Variants in SWT1 observed in about 807,000 individuals in gnomAD.
SWT1 encodes the protein transcriptional protein SWT1.
SWT1 carries 33 observed loss-of-function variants against 107.3 expected under a neutral mutation model. The ratio of observed to expected loss-of-function variants is 0.31; its 90% CI spans 0.23 to 0.41. SWT1 has a LOEUF of 0.41. Among genes scored for constraint, SWT1 ranks in the 10% least tolerant of loss-of-function variants. SWT1 has a pLI of 1.00. For synonymous variants in SWT1, 345 were observed against 348.3 expected (o/e 0.99, Z 0.11); for missense variants, 898 against 1,028.9 (o/e 0.87, Z 1.74).
intron 16 of SWT1, among the ~76,000 whole-genome samples, chr1:185,248,714 T>A (rs1488898545): frequency 6.8e-6 from 1 of 148,052 alleles, no homozygotes; most frequent in Non-Finnish European, 1.5e-5. Context: ...TTTAACTACA[T>A]GCAGTAGAAC....
At chr1:185,287,576 G>A (rs59035619) in intron 18 of SWT1, among the ~76,000 whole-genome samples, 1,844 of 152,274 alleles carry the variant, frequency 0.012, 66 homozygotes, top group East Asian at 0.087. Context: ...AGTGAACTGC[G>A]TCTTACAATA....
intron 15 of SWT1, among the ~76,000 whole-genome samples, chr1:185,231,057 T>C (rs1280550866): frequency 6.6e-6 from 1 of 152,200 alleles, no homozygotes; most frequent in East Asian, 1.9e-4. Flanking sequence ...CCTAGTTTGG[T>C]ATTTTATCAA....
intron 10 of SWT1, among the ~76,000 whole-genome samples, chr1:185,193,030 A>G (rs940210625): frequency 2.0e-5 from 3 of 152,160 alleles, no homozygotes; most frequent in Non-Finnish European, 4.4e-5. Flanking sequence ...TGGTACCGCT[A>G]TAACTGTCCT....
At chr1:185,204,599 T>G in intron 11 of SWT1, 101 bp from the exon 12 acceptor site, 1 of 490,244 alleles carries the variant, frequency 2.0e-6, no homozygotes, top group Non-Finnish European at 3.5e-6. Flanking sequence ...ATAATTAAAA[T>G]ATATACATAA....
At chr1:185,160,616 T>A (rs1213180655) in intron 1 of SWT1, among the ~76,000 whole-genome samples, 2 of 151,980 alleles carry the variant, frequency 1.3e-5, no homozygotes, top group African/African-American at 4.8e-5. Flanking sequence ...GCAGGAGAAT[T>A]GCTTGAACCC....
chr1:185,265,715 C>G (rs1257153984), intron 16 of SWT1, among the ~76,000 whole-genome samples: 1 of 152,138 alleles, frequency 6.6e-6, no homozygotes, highest in Admixed American at 6.5e-5. Context: ...CTATAGAGAT[C>G]AAAGGAGATA....
intron 7 of SWT1, among the ~76,000 whole-genome samples, chr1:185,182,657 CCTCT>C (rs1656113011): frequency 7.8e-6 from 1 of 128,460 alleles, no homozygotes; most frequent in Non-Finnish European, 1.6e-5. Context: ...AGAACAAGAC[CCTCT>C]CTCTCTCAAA....
At chr1:185,237,499 A>G (rs1660972527) in intron 16 of SWT1, among the ~76,000 whole-genome samples, 1 of 152,156 alleles carries the variant, frequency 6.6e-6, no homozygotes, top group Non-Finnish European at 1.5e-5. Context: ...GGAATTTAAC[A>G]GTGAGAATAC....
chr1:185,224,931 C>T (rs1558054332), intron 15 of SWT1, among the ~76,000 whole-genome samples: 1 of 152,152 alleles, frequency 6.6e-6, no homozygotes, highest in East Asian at 1.9e-4. Context: ...TTCCTTCTTT[C>T]CAATTTGGAT....
intron 16 of SWT1, chr1:185,263,747 C>G (rs1429256320): frequency 6.6e-6 from 1 of 152,130 alleles, no homozygotes; most frequent in Non-Finnish European, 1.5e-5. Flanking sequence ...CATAGATTGA[C>G]CCAAAGTCAC....
chr1:185,208,738 A>G (rs1214651073), intron 13 of SWT1, among the ~76,000 whole-genome samples: 1 of 139,372 alleles, frequency 7.2e-6, no homozygotes, highest in African/African-American at 2.8e-5. Context: ...TGTTCGATGA[A>G]TATCTTTTTT....
chr1:185,239,717 A>G (rs1219182045), intron 16 of SWT1, among the ~76,000 whole-genome samples: 1 of 151,888 alleles, frequency 6.6e-6, no homozygotes, highest in South Asian at 2.1e-4. Flanking sequence ...TTTTTTTCAG[A>G]TAGACAAAAG....
chr1:185,257,524 G>A (rs1463712059), intron 16 of SWT1, among the ~76,000 whole-genome samples: 1 of 152,218 alleles, frequency 6.6e-6, no homozygotes, highest in Admixed American at 6.5e-5. Flanking sequence ...GCAGTATTCG[G>A]GTGGGAGTGA....
chr1:185,184,406 CAAT>C lies in SWT1; in HGVS notation c.1240+63_1240+65del, dbSNP rs1422368683. On this transcript the variant is annotated intron_variant, in intron 8 of 18. Transcript: ENST00000367500. ...TCCTTGAGTTGATATTTTATATTAA[CAAT>C]GATGGGCTTTTTTTGCCATGAACAT... 5 of 947,892 alleles carry C rather than the reference CAAT, an allele frequency of 5.3e-6. No individual in the cohort carries two copies. The African/African-American group carries it at 9.3e-5, about 18-fold the overall frequency. 58.7% of individuals were successfully genotyped at this position (947,892 alleles called of 1,614,324 possible). A position where few individuals can be genotyped will look rare whatever the true frequency, so the allele number is the denominator to read the frequency against.
At chr1:185,181,891 CTT>C (rs1296153568) in intron 6 of SWT1, 53 bp from the exon 7 acceptor site, 3 of 1,596,100 alleles carry the variant, frequency 1.9e-6, no homozygotes, top group East Asian at 2.2e-5. Context: ...GCTTTCCTCT[CTT>C]GTCAGTCTGC....
At chr1:185,250,578 A>G (rs1397862994) in intron 16 of SWT1, among the ~76,000 whole-genome samples, 2 of 152,110 alleles carry the variant, frequency 1.3e-5, no homozygotes, top group Non-Finnish European at 2.9e-5. Flanking sequence ...CTTTGTGCCC[A>G]TTACTTGGTT....
chr1:185,279,358 G>A (rs1477988064), intron 18 of SWT1, among the ~76,000 whole-genome samples: 1 of 152,068 alleles, frequency 6.6e-6, no homozygotes, highest in Non-Finnish European at 1.5e-5. Flanking sequence ...AGTTTTTATT[G>A]GGGGAAGTTC....
At chr1:185,251,660 C>T (rs955049523) in intron 16 of SWT1, among the ~76,000 whole-genome samples, 1 of 151,852 alleles carries the variant, frequency 6.6e-6, no homozygotes, top group African/African-American at 2.4e-5. Flanking sequence ...GCTAGACCAG[C>T]TTTTTGTTGT....
intron 2 of SWT1, among the ~76,000 whole-genome samples, chr1:185,164,571 G>T (rs1654421707): frequency 6.6e-6 from 1 of 152,224 alleles, no homozygotes; most frequent in Non-Finnish European, 1.5e-5. Flanking sequence ...TAGCTTCTAT[G>T]TTAGCATTTG....
Sources: gnomAD v4.1 joint callset for allele counts (sites outside exome capture counted in the v4.1 genomes callset) on GRCh38, gnomAD v4.1.1 for gene constraint, MANE v1.5 for transcripts, NCBI Gene and HGNC (gene_info 2026-07-23, HGNC 2026-07-21) for gene names.